CSMD1: variants seen among roughly 807,000 people sequenced by gnomAD.
CSMD1 encodes CUB and sushi domain-containing protein 1.
Under a neutral mutation model 417.5 loss-of-function variants are expected in CSMD1, and 213 were observed. The ratio of observed to expected loss-of-function variants is 0.51; its 90% confidence interval spans 0.46 to 0.57. The LOEUF (loss-of-function observed/expected upper bound fraction) is 0.57. Ranked by LOEUF, CSMD1 falls within the 20% of genes least tolerant of loss-of-function variation. The probability of loss-of-function intolerance (pLI) is 0.00; values close to 1 mark genes in which losing one functional copy is unlikely to be tolerated. For missense variants in CSMD1, 6,923 were observed against 4,529.7 expected, an observed-to-expected ratio of 1.53 and a Z score of -15.17; for synonymous variants, 2,862 against 1,736.8, an observed-to-expected ratio of 1.65 and a Z score of -16.11.
At chr8:4,688,078 C>T (rs191345567) in intron 1 of CSMD1, among the ~76,000 whole-genome samples, 1 of 152,046 alleles carries the variant, frequency 6.6e-6, no homozygotes, top group Non-Finnish European at 1.5e-5. Context: ...CACTCTCTTA[C>T]CCAGTTTTAA....
intron 8 of CSMD1, among the ~76,000 whole-genome samples, chr8:3,613,864 G>A (rs1239577191): frequency 6.6e-6 from 1 of 151,900 alleles, no homozygotes; most frequent in Non-Finnish European, 1.5e-5. Flanking sequence ...AGGAATAAAG[G>A]CAGAGATGTC....
At chr8:4,813,410 G>T (rs1366065660) in intron 1 of CSMD1, among the ~76,000 whole-genome samples, 7 of 152,044 alleles carry the variant, frequency 4.6e-5, no homozygotes, top group South Asian at 2.1e-4. Flanking sequence ...TAATTTTATG[G>T]AACTCAGCCT....
chr8:4,915,672 G>T (rs192412973), intron 1 of CSMD1, among the ~76,000 whole-genome samples: 1 of 152,166 alleles, frequency 6.6e-6, no homozygotes, highest in African/African-American at 2.4e-5. Flanking sequence ...GAACGTTAGC[G>T]CCCGGCGGCA....
At chr8:4,368,573 TA>T (rs1418186326) in intron 3 of CSMD1, among the ~76,000 whole-genome samples, 2 of 152,158 alleles carry the variant, frequency 1.3e-5, no homozygotes, top group African/African-American at 4.8e-5. Flanking sequence ...GTACATCTGG[TA>T]AAATTCGGCT....
chr8:4,538,752 G>C (rs185612975), intron 2 of CSMD1, among the ~76,000 whole-genome samples: 7 of 152,246 alleles, frequency 4.6e-5, no homozygotes, highest in Admixed American at 3.9e-4. Context: ...TTTGATGAAG[G>C]GATTTGATGA....
intron 3 of CSMD1, among the ~76,000 whole-genome samples, chr8:4,219,818 C>G (rs1416495197): frequency 6.6e-6 from 1 of 152,090 alleles, no homozygotes; most frequent in Admixed American, 6.5e-5. Context: ...CTTAGTAGAG[C>G]TAATTATCTG....
chr8:3,891,756 G>C (rs556924224), intron 5 of CSMD1, among the ~76,000 whole-genome samples: 1 of 152,068 alleles, frequency 6.6e-6, no homozygotes. Flanking sequence ...ACTGGAGACT[G>C]AATCTCTGCT....
At chr8:4,055,115 G>A (rs759843784) in intron 3 of CSMD1, among the ~76,000 whole-genome samples, 7 of 152,158 alleles carry the variant, frequency 4.6e-5, no homozygotes, top group African/African-American at 1.2e-4. Flanking sequence ...TGAGCTTTGT[G>A]TAGTAGATGA....
intron 5 of CSMD1, among the ~76,000 whole-genome samples, chr8:3,844,914 T>C (rs200414321): frequency 7.4e-6 from 1 of 135,020 alleles, no homozygotes; most frequent in African/African-American, 3.7e-5. Flanking sequence ...TCTGTGCATT[T>C]AAAAACTGCC....
intron 2 of CSMD1, among the ~76,000 whole-genome samples, chr8:4,628,494 T>C (rs752969439): frequency 6.7e-6 from 1 of 150,064 alleles, no homozygotes; most frequent in South Asian, 2.1e-4. Context: ...AGTATCAGTA[T>C]ATACACACAC....
At position 4,006,397 on chromosome 8, in the gene CSMD1, A is replaced by C. The variant is rs146363786; in HGVS notation, c.611-8287T>G. Among the ~76,000 whole-genome samples, 580 of 152,256 alleles carry C rather than the reference A, an allele frequency of 3.8e-3. 4 individuals carry two copies. Among genetic ancestry groups the C allele is most frequent in the Middle Eastern group, 0.02 (6 of 294 alleles). ...TGTCTCTACTAAAAATACAAAAAATAGCTGGGTGTGGTGGTCCATGCCTGT... is the reference window on the plus strand; with the variant it reads ...TGTCTCTACTAAAAATACAAAAAATCGCTGGGTGTGGTGGTCCATGCCTGT... On this transcript the variant is annotated intron_variant, in intron 4 of 69. Coordinates refer to ENST00000635120, the MANE Select transcript of CSMD1 (RefSeq NM_033225.6).
chr8:4,130,258 T>C (rs912861228), intron 3 of CSMD1, among the ~76,000 whole-genome samples: 3 of 152,172 alleles, frequency 2.0e-5, no homozygotes, highest in Non-Finnish European at 4.4e-5. Context: ...GAGCCAAGGA[T>C]GTCTATATTC....
intron 3 of CSMD1, among the ~76,000 whole-genome samples, chr8:4,358,549 A>G (rs953161216): frequency 3.3e-5 from 5 of 152,238 alleles, no homozygotes; most frequent in Non-Finnish European, 7.3e-5. Context: ...TATGGCCTAC[A>G]AAACTTAAAA....
chr8:3,132,042 A>G (rs979802398), intron 41 of CSMD1, among the ~76,000 whole-genome samples: 1 of 152,088 alleles, frequency 6.6e-6, no homozygotes, highest in Non-Finnish European at 1.5e-5. Flanking sequence ...TTTGGTAGCC[A>G]TAATGCCACC....
chr8:3,338,438 G>A (rs886702111), intron 23 of CSMD1, among the ~76,000 whole-genome samples: 4 of 152,220 alleles, frequency 2.6e-5, no homozygotes, highest in African/African-American at 7.2e-5. Flanking sequence ...GGGATAGACA[G>A]AGAATTCAGG....
At chr8:3,551,246 A>T (rs756883337) in intron 10 of CSMD1, among the ~76,000 whole-genome samples, 14 of 152,214 alleles carry the variant, frequency 9.2e-5, no homozygotes, top group Non-Finnish European at 2.1e-4. Context: ...TTTCTCAAGA[A>T]ATATTAACTA....
chr8:3,608,183 A>AAT (rs2117118559), intron 8 of CSMD1, among the ~76,000 whole-genome samples: 1 of 151,914 alleles, frequency 6.6e-6, no homozygotes, highest in African/African-American at 2.4e-5. Flanking sequence ...CAAAAAAAAA[A>AAT]AAAAAAAAAG....
intron 3 of CSMD1, among the ~76,000 whole-genome samples, chr8:4,398,658 G>A (rs575976126): frequency 4.6e-5 from 7 of 152,158 alleles, no homozygotes; most frequent in Admixed American, 3.9e-4. Context: ...GCCTCCCAAA[G>A]TGCTGGGATT....
chr8:4,465,890 A>G (rs1447975774), intron 2 of CSMD1, among the ~76,000 whole-genome samples: 1 of 152,146 alleles, frequency 6.6e-6, no homozygotes, highest in African/African-American at 2.4e-5. Flanking sequence ...TGGCTGACTC[A>G]CTGCACTAAC....
Sources: allele counts gnomAD v4.1 joint callset (sites outside exome capture counted in the v4.1 genomes callset), GRCh38; gene constraint gnomAD v4.1.1; transcripts MANE v1.5; gene names NCBI Gene and HGNC (gene_info 2026-07-23, HGNC 2026-07-21).